The following FBL variants were observed in gnomAD, a reference collection of about 807,000 sequenced individuals.
FBL encodes the protein rRNA 2'-O-methyltransferase fibrillarin.
In FBL, 10 loss-of-function variants were observed where a neutral mutation model predicts 42.2. That is an observed-to-expected ratio of 0.24 (90% CI 0.15 to 0.40). The LOEUF (loss-of-function observed/expected upper bound fraction) is 0.40. Among genes scored for constraint, FBL ranks in the 10% least tolerant of loss-of-function variants. The pLI is 1.00. For synonymous variants in FBL, 165 were observed against 165.4 expected, an observed-to-expected ratio of 1.00 and a Z score of 0.02; for missense variants, 351 against 439.2, an observed-to-expected ratio of 0.80 and a Z score of 1.79.
chr19:39,836,672 A>G lies in FBL; in HGVS notation c.683-4T>C, dbSNP rs3760924. 152,627 of 1,610,232 alleles carry G rather than the reference A, an allele frequency of 0.095. 7,910 individuals are homozygous for G. The highest frequency in any genetic ancestry group is 0.13 in the Middle Eastern group (776 of 6,046). On this transcript the variant is annotated splice_region_variant and splice_polypyrimidine_tract_variant and intron_variant, in intron 6 of 8. Transcript: ENST00000221801. ...GCAAAGATCACATCCACCATTGCTAAGGAGAAAGGAGCAGCAGTTAAAAGT... is the reference window on the plus strand; with the variant it reads ...GCAAAGATCACATCCACCATTGCTAGGGAGAAAGGAGCAGCAGTTAAAAGT...
intron 5 of FBL, chr19:39,838,258 C>G (rs2145058157): frequency 6.5e-6 from 1 of 153,468 alleles, no homozygotes; most frequent in African/African-American, 2.5e-5. Flanking sequence ...CTGATTAAAG[C>G]CTGAGGTTTT....
In FBL at chr19:39,846,238, C is replaced by T. The variant is rs575641672; in HGVS notation, c.10+53G>A. 45 of 1,611,008 alleles carry T rather than the reference C, an allele frequency of 2.8e-5. 1 individual carries two copies. The South Asian group carries it at 3.0e-4, about 11-fold the overall frequency. On this transcript the variant is annotated intron_variant, in intron 1 of 8. Transcript: ENST00000221801. The stretch of plus-strand genomic sequence containing the variant: ...ACCCCTCCGATTCTGGCCTGGCACC[C>T]GGATTCCCGCCCGGCCTCCGTCCCT...
chr19:39,841,040 T>G (rs1969155587), intron 1 of FBL, among the ~76,000 whole-genome samples: 1 of 152,206 alleles, frequency 6.6e-6, no homozygotes, highest in African/African-American at 2.4e-5. Flanking sequence ...CACAACAGAC[T>G]AATAAATGTT....
intron 6 of FBL, among the ~76,000 whole-genome samples, chr19:39,836,992 C>T (rs1398036473): frequency 6.6e-6 from 1 of 152,180 alleles, no homozygotes; most frequent in African/African-American, 2.4e-5. Flanking sequence ...GAGACAGACA[C>T]GTCATCAAAA....
At chr19:39,843,381 G>A (rs1407008197) in intron 1 of FBL, among the ~76,000 whole-genome samples, 10 of 152,150 alleles carry the variant, frequency 6.6e-5, no homozygotes, top group Admixed American at 4.6e-4. Flanking sequence ...CTCAAGTATC[G>A]CATATGGAGA....
At position 39,834,832 on chromosome 19, in the gene FBL, T is replaced by G; in HGVS notation, c.796-19A>C. ...AGTTGGCCTAAAGAGGAGAAAGGAC[T>G]AATGTCTACAACAGGGCTTTGGGCT... is the stretch of plus-strand genomic sequence containing the variant. On this transcript the variant is annotated intron_variant, in intron 7 of 8. Coordinates refer to ENST00000221801, the MANE Select transcript of FBL (RefSeq NM_001436.4). The G allele has an allele frequency of 6.2e-7, 1 of 1,614,028 alleles. No individual in the cohort carries two copies. Among genetic ancestry groups the G allele is most frequent in the Admixed American group, 1.7e-5 (1 of 60,036 alleles).
At position 39,836,642 on chromosome 19, in the gene FBL, C is replaced by T; in HGVS notation, c.709G>A (p.Val237Met). 1.2e-6 allele frequency: 2 copies of T among 1,614,044 alleles called. No homozygotes were observed. The highest frequency in any genetic ancestry group is 1.1e-5 in the South Asian group (1 of 91,074). Reference protein sequence around the residue: ...IAMVDVIFADVAQPDQTRIVA... With the variant: ...IAMVDVIFADMAQPDQTRIVA... ...ATCCGGGTCTGGTCTGGCTGGGCCA[C>T]ATCAGCAAAGATCACATCCACCATT... The change falls in exon 7 of 9, where the codon GTG (valine) becomes ATG (methionine). Residue 237 changes from valine (V) to methionine (M), a missense_variant. Coordinates refer to ENST00000221801, the MANE Select transcript of FBL (RefSeq NM_001436.4).
chr19:39,843,147 A>C (rs921226210), intron 1 of FBL, among the ~76,000 whole-genome samples: 2 of 152,138 alleles, frequency 1.3e-5, no homozygotes, highest in Admixed American at 6.5e-5. Context: ...CCCCACTAAG[A>C]TCAAGCTCCA....
chr19:39,839,065 C>T lies in FBL; in HGVS notation c.519G>A (p.Thr173=), dbSNP rs761578319. Residue 173 remains threonine, a synonymous_variant, in exon 5 of 9, where the codon ACG becomes ACA. Transcript: ENST00000221801. The part of the protein sequence containing the change: ...VLYLGAASGT[T]VSHVSDIVGP... ...CAACGATGTCAGAGACATGGGAGAC[C>T]GTGGTGCCCGAGGCAGCCCCGAGGT... is the stretch of plus-strand genomic sequence containing the variant. 15 of 1,613,666 alleles carry T rather than the reference C, an allele frequency of 9.3e-6. No homozygotes were observed. The highest frequency in any genetic ancestry group is 1.1e-5 in the Non-Finnish European group (13 of 1,179,758).
At chr19:39,836,119 A>C (rs936339463) in intron 7 of FBL, among the ~76,000 whole-genome samples, 6 of 152,026 alleles carry the variant, frequency 3.9e-5, no homozygotes, top group Admixed American at 1.3e-4. Context: ...AAGGCTAACA[A>C]ATGGTGAACC....
chr19:39,839,249 C>T, intron 4 of FBL, 44 bp from the exon 5 acceptor site: 1 of 1,511,708 alleles, frequency 6.6e-7, no homozygotes, highest in South Asian at 1.2e-5. Flanking sequence ...GGCTCTTCTG[C>T]AGGACCTCAC....
intron 6 of FBL, 83 bp from the exon 7 acceptor site, chr19:39,836,751 G>C: frequency 1.0e-6 from 1 of 1,000,356 alleles, no homozygotes; most frequent in Non-Finnish European, 1.5e-6. Flanking sequence ...CCCATCACCA[G>C]CAGGTTCCTG....
At chr19:39,841,733 G>A (rs1308871763) in intron 1 of FBL, among the ~76,000 whole-genome samples, 1 of 152,192 alleles carries the variant, frequency 6.6e-6, no homozygotes, top group East Asian at 1.9e-4. Context: ...CTGCTTCCAA[G>A]CTTAAAGAAG....
At chr19:39,839,847 G>T (rs1434250632) in intron 4 of FBL, among the ~76,000 whole-genome samples, 1 of 152,178 alleles carries the variant, frequency 6.6e-6, no homozygotes, top group African/African-American at 2.4e-5. Flanking sequence ...GGCGGTGAGG[G>T]ATGCCTTGAC....
intron 6 of FBL, among the ~76,000 whole-genome samples, chr19:39,837,351 A>C (rs1205972232): frequency 6.6e-6 from 1 of 152,172 alleles, no homozygotes. Flanking sequence ...CCTCCAGATC[A>C]AGCCATGCTT....
In FBL at chr19:39,840,790, G is replaced by A; in HGVS notation, c.11-3C>T. 4 of 1,539,952 alleles carry A rather than the reference G, an allele frequency of 2.6e-6. No individual in the cohort carries two copies. Among genetic ancestry groups the A allele is most frequent in the Middle Eastern group, 1.7e-4 (1 of 5,792 alleles). ...GCCACCCCCACGGGGACTGAATCCT[G>A]TGGGGGAAACAAAACAGGAGTCAGG... On this transcript the variant is annotated splice_region_variant and splice_polypyrimidine_tract_variant and intron_variant, in intron 1 of 8. Coordinates refer to ENST00000221801, the MANE Select transcript of FBL (RefSeq NM_001436.4). The surrounding 1 kb of genome is among the most constrained non-coding windows in gnomAD (Gnocchi z 4.5).
rs1969077762 is a variant in FBL at position 39,837,732 on chromosome 19, G to A, written c.661C>T (p.His221Tyr). ...TCACCGATGAGCATGCGGTATTTGT[G>A]TGGGTGTCGAGCATCCTCGATCACA... ...IPVIEDARHP[H>Y]KYRMLIAMVD... The change falls in exon 6 of 9, where the codon CAC (histidine) becomes TAC (tyrosine). Residue 221 changes from histidine to tyrosine, a missense_variant. By Grantham distance (83) the His-to-Tyr change is moderately conservative (BLOSUM62 2). Coordinates refer to ENST00000221801, the MANE Select transcript of FBL (RefSeq NM_001436.4). 1 of 1,588,166 alleles carries A rather than the reference G, an allele frequency of 6.3e-7. No individual in the cohort carries two copies. Among genetic ancestry groups the A allele is most frequent in the Non-Finnish European group, 8.6e-7 (1 of 1,168,252 alleles).
intron 6 of FBL, among the ~76,000 whole-genome samples, chr19:39,836,880 T>C (rs1033447416): frequency 1.3e-5 from 2 of 152,202 alleles, no homozygotes; most frequent in Non-Finnish European, 2.9e-5. Flanking sequence ...TTGTAAACCA[T>C]GGTTGCCACC....
chr19:39,840,453 A>AC lies in FBL; in HGVS notation c.243dup (p.Ser82ValfsTer13). ...GGCTCCACCATCACATTCTTCCCCG[A>AC]CTGGTTTCCTCTTTTTCCTCCCCGA... On this transcript the variant is annotated frameshift_variant, in exon 3 of 9. Transcript: ENST00000221801. LOFTEE classifies it high-confidence loss of function. This position sits in a 1 kb window ranked among gnomAD's most constrained non-coding sequence, Gnocchi z 4.5. 6.2e-7 allele frequency: 1 copy of AC among 1,613,674 alleles called. No homozygotes were observed.
Sources: allele counts gnomAD v4.1 joint callset (sites outside exome capture counted in the v4.1 genomes callset), GRCh38; gene constraint gnomAD v4.1.1; non-coding constraint Gnocchi (gnomAD v3.1); transcripts MANE v1.5; gene names NCBI Gene and HGNC (gene_info 2026-07-23, HGNC 2026-07-21).